The following TMEM131 variants were observed in gnomAD, a reference collection of about 807,000 sequenced individuals.
TMEM131 encodes transmembrane protein 131, also known as 2610524E03Rik.
TMEM131 carries 66 observed loss-of-function variants against 211.6 expected under a neutral mutation model. The observed-to-expected ratio is 0.31, with a 90% CI of 0.26 to 0.38. The LOEUF (loss-of-function observed/expected upper bound fraction) is 0.38, where lower values mean the gene tolerates loss of function less well. TMEM131 is among the 10% of genes least tolerant of loss of function. TMEM131 has a pLI of 1.00. For missense variants in TMEM131, 2,036 were observed against 2,299.3 expected (o/e 0.89, Z 2.34); for synonymous variants, 844 against 841.3 (o/e 1.00, Z -0.06).
intron 1 of TMEM131, among the ~76,000 whole-genome samples, chr2:97,968,651 C>T (rs1679161341): frequency 6.6e-6 from 1 of 152,190 alleles, no homozygotes; most frequent in African/African-American, 2.4e-5. Flanking sequence ...GCAAGAGTGA[C>T]TCCCAACATC....
intron 31 of TMEM131, among the ~76,000 whole-genome samples, chr2:97,782,616 T>G (rs1680063311): frequency 6.6e-6 from 1 of 151,462 alleles, no homozygotes; most frequent in Non-Finnish European, 1.5e-5. Context: ...TTGAAACAAC[T>G]GAAAAAACAG....
chr2:97,936,289 T>C (rs1677441864), intron 1 of TMEM131, among the ~76,000 whole-genome samples: 1 of 152,228 alleles, frequency 6.6e-6, no homozygotes, highest in Non-Finnish European at 1.5e-5. Flanking sequence ...TAAAAAGTGT[T>C]GACACCTTCC....
chr2:97,938,631 T>C (rs577610308), intron 1 of TMEM131, among the ~76,000 whole-genome samples: 37 of 152,126 alleles, frequency 2.4e-4, no homozygotes, highest in South Asian at 1.7e-3. Flanking sequence ...AGACAGAAAG[T>C]TAACAAGGAT....
At chr2:97,822,435 G>C (rs548202989) in intron 11 of TMEM131, among the ~76,000 whole-genome samples, 2 of 152,152 alleles carry the variant, frequency 1.3e-5, no homozygotes, top group Non-Finnish European at 2.9e-5. Context: ...CCCTTCCCTT[G>C]CTCAGGGTAC....
chr2:97,933,912 T>C (rs1449501115), intron 1 of TMEM131, among the ~76,000 whole-genome samples: 3 of 152,086 alleles, frequency 2.0e-5, no homozygotes, highest in African/African-American at 7.2e-5. Context: ...TCTCAACCTC[T>C]AGGTAATATC....
At chr2:97,905,274 T>C (rs1380422026) in intron 3 of TMEM131, among the ~76,000 whole-genome samples, 2 of 152,210 alleles carry the variant, frequency 1.3e-5, no homozygotes, top group African/African-American at 4.8e-5. Context: ...TGTCATTTCA[T>C]TGGTTTTGGG....
At chr2:97,893,287 A>C (rs1480915334) in intron 3 of TMEM131, among the ~76,000 whole-genome samples, 3 of 151,668 alleles carry the variant, frequency 2.0e-5, no homozygotes, top group Non-Finnish European at 4.4e-5. Context: ...TATCCACTCT[A>C]TCTTTGATGG....
intron 6 of TMEM131, among the ~76,000 whole-genome samples, chr2:97,843,571 T>G (rs774478190): frequency 6.6e-6 from 1 of 152,126 alleles, no homozygotes; most frequent in Admixed American, 6.5e-5. Flanking sequence ...AACTCCTGGC[T>G]TCAAGTGATC....
intron 1 of TMEM131, among the ~76,000 whole-genome samples, chr2:97,955,231 A>G (rs1337434274): frequency 1.3e-5 from 2 of 152,214 alleles, no homozygotes; most frequent in African/African-American, 4.8e-5. Flanking sequence ...TCATATGATC[A>G]TGTCAATTGA....
chr2:97,961,203 T>C (rs1176574887), intron 1 of TMEM131, among the ~76,000 whole-genome samples: 2 of 151,354 alleles, frequency 1.3e-5, no homozygotes, highest in African/African-American at 4.8e-5. Context: ...CAAATATCAA[T>C]TACATTTCTA....
intron 3 of TMEM131, among the ~76,000 whole-genome samples, chr2:97,896,974 C>G (rs1422732598): frequency 6.7e-6 from 1 of 148,414 alleles, no homozygotes; most frequent in Admixed American, 6.7e-5. Flanking sequence ...AACGCGGAAT[C>G]TTTCTCAATA....
At chr2:97,946,034 T>A (rs1053573012) in intron 1 of TMEM131, among the ~76,000 whole-genome samples, 1 of 152,114 alleles carries the variant, frequency 6.6e-6, no homozygotes, top group Non-Finnish European at 1.5e-5. Flanking sequence ...TCAGTGGTAT[T>A]ACAACCATCT....
At chr2:97,857,505 C>G in intron 5 of TMEM131, among the ~76,000 whole-genome samples, 1 of 152,336 alleles carries the variant, frequency 6.6e-6, no homozygotes, top group South Asian at 2.1e-4. Context: ...TATTGCTTGA[C>G]TTAGCAAAAA....
intron 1 of TMEM131, among the ~76,000 whole-genome samples, chr2:97,991,335 G>C (rs1680256037): frequency 6.6e-6 from 1 of 152,218 alleles, no homozygotes; most frequent in African/African-American, 2.4e-5. Context: ...ATGCAGGACT[G>C]AACAGAAATG....
At chr2:97,817,937 A>G (rs1201568400) in intron 12 of TMEM131, among the ~76,000 whole-genome samples, 1 of 152,234 alleles carries the variant, frequency 6.6e-6, no homozygotes, top group Non-Finnish European at 1.5e-5. Context: ...CAGAGGTTCA[A>G]TTCTCATTTA....
intron 1 of TMEM131, among the ~76,000 whole-genome samples, chr2:97,959,511 CTT>C (rs1158192889): frequency 1.3e-5 from 2 of 152,002 alleles, no homozygotes; most frequent in African/African-American, 2.4e-5. Flanking sequence ...CACATTCTCC[CTT>C]TCTCTCTCTC....
At position 97,931,597 on chromosome 2, in the gene TMEM131, ATGCCATAT is replaced by A. The variant is rs1318114962; in HGVS notation, c.188-4118_188-4111del. Among the ~76,000 whole-genome samples the A allele has an allele frequency of 1.3e-5, 2 of 152,214 alleles. 1 individual carries two copies. Among genetic ancestry groups the A allele is most frequent in the East Asian group, 3.8e-4 (2 of 5,200 alleles). The stretch of plus-strand genomic sequence containing the variant: ...CTGTAAATAACTAGTAGAAAAATTT[ATGCCATAT>A]TGTGGGGGGTGGTATCAGGCATTAG... On this transcript the variant is annotated intron_variant, in intron 1 of 40. Transcript: ENST00000186436.
At chr2:97,830,129 A>C (rs1164832452) in intron 11 of TMEM131, among the ~76,000 whole-genome samples, 2 of 120,314 alleles carry the variant, frequency 1.7e-5, no homozygotes, top group African/African-American at 7.2e-5. Context: ...ACTCATTATC[A>C]GTTAAAAAAA....
At chr2:97,995,366 A>G in intron 1 of TMEM131, 110 bp downstream of exon 1, 1 of 1,148,584 alleles carries the variant, frequency 8.7e-7, no homozygotes, top group Non-Finnish European at 1.1e-6. Context: ...CGACCGCCCA[A>G]CTTTGCGCCG....
Sources: gnomAD v4.1 joint callset for allele counts (sites outside exome capture counted in the v4.1 genomes callset) on GRCh38, gnomAD v4.1.1 for gene constraint, MANE v1.5 for transcripts, NCBI Gene and HGNC (gene_info 2026-07-23, HGNC 2026-07-21) for gene names.